Variants in THSD7B observed in about 807,000 individuals in gnomAD.
The protein encoded by THSD7B is thrombospondin type 1 domain containing 7B, also known as thrombospondin type-1 domain-containing protein 7B.
In THSD7B, 138 loss-of-function variants were observed where a neutral mutation model predicts 213.6. The observed-to-expected ratio is 0.65, with a 90% CI of 0.56 to 0.74. The LOEUF (loss-of-function observed/expected upper bound fraction) is 0.74, where lower values mean the gene tolerates loss of function less well. THSD7B is among the 30% of genes least tolerant of loss of function. The probability of loss-of-function intolerance (pLI) is 0.00; values close to 1 mark genes in which losing one functional copy is unlikely to be tolerated. For missense variants in THSD7B, 1,931 were observed against 1,991.5 expected, an observed-to-expected ratio of 0.97 and a Z score of 0.58; for synonymous variants, 742 against 687.0, an observed-to-expected ratio of 1.08 and a Z score of -1.25.
intron 14 of THSD7B, among the ~76,000 whole-genome samples, chr2:137,450,312 T>C (rs1687622884): frequency 6.6e-6 from 1 of 152,166 alleles, no homozygotes; most frequent in Admixed American, 6.5e-5. Context: ...CAATATCTCA[T>C]TTTACAACTT....
intron 2 of THSD7B, among the ~76,000 whole-genome samples, chr2:136,971,737 A>G (rs951689532): frequency 6.6e-6 from 1 of 151,852 alleles, no homozygotes; most frequent in African/African-American, 2.4e-5. Context: ...GACAATGGAA[A>G]AAGGAACTGA....
intron 15 of THSD7B, among the ~76,000 whole-genome samples, chr2:137,553,579 A>G (rs1040646622): frequency 2.0e-5 from 3 of 152,196 alleles, no homozygotes; most frequent in Non-Finnish European, 4.4e-5. Flanking sequence ...GAAATAACAA[A>G]TAGGACTCAT....
At chr2:137,461,764 A>G (rs1171135337) in intron 15 of THSD7B, among the ~76,000 whole-genome samples, 2 of 152,136 alleles carry the variant, frequency 1.3e-5, no homozygotes, top group African/African-American at 4.8e-5. Flanking sequence ...TTTCTGAGCC[A>G]GAGACATGCT....
At chr2:136,990,396 C>A (rs1685754219) in intron 2 of THSD7B, among the ~76,000 whole-genome samples, 1 of 152,124 alleles carries the variant, frequency 6.6e-6, no homozygotes, top group Non-Finnish European at 1.5e-5. Flanking sequence ...GATCAAGATG[C>A]CTGAGCAAGA....
chr2:136,846,533 TAACATAAG>T (rs1427649439), intron 1 of THSD7B, among the ~76,000 whole-genome samples: 9 of 152,140 alleles, frequency 5.9e-5, no homozygotes, highest in Non-Finnish European at 1.2e-4. Flanking sequence ...ACTAAATAAT[TAACATAAG>T]AATCGTTTAT....
intron 11 of THSD7B, among the ~76,000 whole-genome samples, chr2:137,275,111 A>T (rs1039800034): frequency 1.3e-5 from 2 of 152,114 alleles, no homozygotes; most frequent in Admixed American, 6.6e-5. Flanking sequence ...TTAAGGACAC[A>T]AGTCATCATC....
intron 17 of THSD7B, among the ~76,000 whole-genome samples, chr2:137,576,375 C>T (rs192623720): frequency 3.3e-5 from 5 of 152,052 alleles, no homozygotes; most frequent in African/African-American, 4.8e-5. Context: ...CTGAATGTAT[C>T]AGGGGTTGGC....
intron 7 of THSD7B, among the ~76,000 whole-genome samples, chr2:137,186,370 T>C (rs1680551688): frequency 1.3e-5 from 2 of 152,142 alleles, no homozygotes; most frequent in Non-Finnish European, 2.9e-5. Context: ...TGAGGTCTTC[T>C]ATTTCAGTCT....
chr2:137,625,700 T>A (rs953279818), intron 20 of THSD7B, among the ~76,000 whole-genome samples: 15 of 152,072 alleles, frequency 9.9e-5, no homozygotes, highest in Non-Finnish European at 2.1e-4. Context: ...CAGTTGGGAG[T>A]TGAATGCCTA....
rs1411559993 is a variant in THSD7B at position 137,397,636 on chromosome 2, ATG to A, written c.2501-7973_2501-7972del. 4.9e-3 allele frequency among the ~76,000 whole-genome samples: 729 copies of A among 149,582 alleles called. 3 individuals carry two copies. Among genetic ancestry groups the A allele is most frequent in the African/African-American group, 0.017 (688 of 40,984 alleles). Reference sequence around the variant, plus strand: ...TTCAACTTTGGTGAATCTGACAATTATGTGTCTTGGAGTTGCTCTTCTCGAGG... The same window carrying A: ...TTCAACTTTGGTGAATCTGACAATTATGTCTTGGAGTTGCTCTTCTCGAGG... On this transcript the variant is annotated intron_variant, in intron 12 of 27. Transcript: ENST00000409968.
chr2:137,641,274 T>C (rs992939536), intron 20 of THSD7B, among the ~76,000 whole-genome samples: 1 of 152,170 alleles, frequency 6.6e-6, no homozygotes, highest in Non-Finnish European at 1.5e-5. Flanking sequence ...CCTTTGCACC[T>C]CACCATCTCT....
intron 15 of THSD7B, 41 bp downstream of exon 15, chr2:137,451,064 A>G (rs1371544411): frequency 2.0e-6 from 3 of 1,463,574 alleles, no homozygotes; most frequent in Admixed American, 2.7e-5. Flanking sequence ...TAAAAAAGCT[A>G]TCCTCATTAT....
At chr2:137,209,092 A>T (rs1681045316) in intron 7 of THSD7B, among the ~76,000 whole-genome samples, 1 of 152,048 alleles carries the variant, frequency 6.6e-6, no homozygotes, top group Non-Finnish European at 1.5e-5. Flanking sequence ...ATTTTTTCTC[A>T]AAGTTAGCTC....
At chr2:136,805,858 T>A in intron 1 of THSD7B, among the ~76,000 whole-genome samples, 1 of 152,256 alleles carries the variant, frequency 6.6e-6, no homozygotes, top group East Asian at 1.9e-4. Context: ...TAGGGGGTAG[T>A]AACAGCTCTC....
intron 15 of THSD7B, among the ~76,000 whole-genome samples, chr2:137,510,721 A>C (rs1489873061): frequency 6.6e-6 from 1 of 152,074 alleles, no homozygotes; most frequent in Non-Finnish European, 1.5e-5. Flanking sequence ...TTCTGAAGAG[A>C]ATTCTGCCAC....
intron 1 of THSD7B, among the ~76,000 whole-genome samples, chr2:136,825,456 C>G (rs577569990): frequency 1.3e-5 from 2 of 152,184 alleles, no homozygotes; most frequent in African/African-American, 4.8e-5. Flanking sequence ...GCTTATGGTC[C>G]CTTCCTCCAC....
intron 6 of THSD7B, among the ~76,000 whole-genome samples, chr2:137,168,923 G>A (rs1011202938): frequency 1.5e-4 from 23 of 152,122 alleles, no homozygotes; most frequent in Admixed American, 1.4e-3. Flanking sequence ...TTTCAAGGTG[G>A]CTTAGGAAGC....
At chr2:136,946,458 C>T (rs541486251) in intron 2 of THSD7B, among the ~76,000 whole-genome samples, 1 of 152,142 alleles carries the variant, frequency 6.6e-6, no homozygotes, top group Non-Finnish European at 1.5e-5. Flanking sequence ...CTTGAGGAGG[C>T]GGTCTCTCCA....
chr2:137,522,138 T>C (rs1680196855), intron 15 of THSD7B, among the ~76,000 whole-genome samples: 1 of 152,162 alleles, frequency 6.6e-6, no homozygotes, highest in Admixed American at 6.5e-5. Context: ...GATAAACTCT[T>C]CTTGGTGCAC....
Sources: allele counts gnomAD v4.1 joint callset (sites outside exome capture counted in the v4.1 genomes callset), GRCh38; gene constraint gnomAD v4.1.1; transcripts MANE v1.5; gene names NCBI Gene and HGNC (gene_info 2026-07-23, HGNC 2026-07-21).